Variants in GOLGB1 observed in about 807,000 individuals in gnomAD.
The protein encoded by GOLGB1 is golgin B1, also known as golgin subfamily B member 1.
Under a neutral mutation model 336.9 loss-of-function variants are expected in GOLGB1, and 174 were observed. That is an observed-to-expected ratio of 0.52 (90% CI 0.46 to 0.59). The LOEUF is 0.59. Ranked by LOEUF, GOLGB1 falls within the 20% of genes least tolerant of loss-of-function variation. The pLI is 0.00. For synonymous variants in GOLGB1, 1,208 were observed against 1,289.2 expected, an observed-to-expected ratio of 0.94 and a Z score of 1.35; for missense variants, 3,331 against 3,645.3, an observed-to-expected ratio of 0.91 and a Z score of 2.22.
chr3:121,744,160 A>G (rs976883897), intron 1 of GOLGB1, among the ~76,000 whole-genome samples: 3 of 152,150 alleles, frequency 2.0e-5, no homozygotes, highest in African/African-American at 7.2e-5. Context: ...ACAATTGAGA[A>G]ACATTTAATT....
chr3:121,681,818 T>C lies in GOLGB1; in HGVS notation c.8742A>G (p.Gln2914=). 6.2e-7 allele frequency: 1 copy of C among 1,606,962 alleles called. No individual in the cohort carries two copies. The highest frequency in any genetic ancestry group is 8.5e-7 in the Non-Finnish European group (1 of 1,173,860). Residue 2914 remains glutamine, a synonymous_variant, in exon 15 of 22, where the codon CAA becomes CAG. Coordinates refer to ENST00000614479, the MANE Select transcript of GOLGB1 (RefSeq NM_001366282.2). ...NLQQQYLQIN[Q]EITELHPLKA... is the part of the protein sequence containing the mutation. ...TCAGTGGATGTAACTCAGTGATCTC[T>C]TGATTAATCTGTAAGTATTGCTGCT...
chr3:121,667,500 G>A lies in GOLGB1; in HGVS notation c.9530C>T (p.Ser3177Phe), dbSNP rs1333243581. Residue 3177 changes from serine to phenylalanine, a missense_variant, in exon 20 of 22, where the codon TCT becomes TTT. Transcript: ENST00000614479. ...CCGTCTGATCTGCTCCTCGGCCACAGAGAGAGCATTCTCAGCAGCCACTCT... is the reference window on the plus strand; with the variant it reads ...CCGTCTGATCTGCTCCTCGGCCACAAAGAGAGCATTCTCAGCAGCCACTCT... ...DQRVAAENAL[S>F]VAEEQIRRLE... 3.7e-6 allele frequency: 6 copies of A among 1,614,024 alleles called. No individual in the cohort carries two copies. Among genetic ancestry groups the A allele is most frequent in the Non-Finnish European group, 5.1e-6 (6 of 1,179,912 alleles).
rs577283491 is a variant in GOLGB1, at chr3:121,729,739, A to G, written c.249+126T>C. On this transcript the variant is annotated intron_variant, in intron 3 of 21. Transcript: ENST00000614479. ...CCCAAAAGTTATTTTCAGTAGGCAT[A>G]AGGTTACAGTACTAGGGAGATAATC... 40 of 700,284 alleles carry G rather than the reference A, an allele frequency of 5.7e-5. 1 individual carries two copies. In the South Asian group the frequency reaches 8.6e-4, roughly 15 times the overall value. The allele number at this position is 700,284 out of a possible 1,614,324, so 43.4% of individuals were successfully genotyped here.
intron 7 of GOLGB1, among the ~76,000 whole-genome samples, chr3:121,719,098 T>C (rs1944992027): frequency 6.6e-6 from 1 of 152,220 alleles, no homozygotes; most frequent in Non-Finnish European, 1.5e-5. Flanking sequence ...AGATCAAACA[T>C]AAAGTATCAC....
chr3:121,717,650 C>T (rs1348143489), intron 8 of GOLGB1, among the ~76,000 whole-genome samples: 6 of 152,052 alleles, frequency 3.9e-5, no homozygotes, highest in South Asian at 2.1e-4. Flanking sequence ...TATTGCAGAA[C>T]GAGATCATTT....
At position 121,692,127 on chromosome 3, in the gene GOLGB1, T is replaced by C. The variant is rs559207889; in HGVS notation, c.7237A>G (p.Lys2413Glu). The C allele has an allele frequency of 1.9e-6, 3 of 1,613,610 alleles. No individual in the cohort carries two copies. The South Asian group carries it at 3.3e-5, about 18-fold the overall frequency. ...AIAELRQQHDKEIKELENLLS... is the reference protein window; with the variant it reads ...AIAELRQQHDEEIKELENLLS... ...AGGTTTTCCAGCTCTTTAATTTCTT[T>C]ATCATGTTGCTGACGCAGTTCAGCA... Residue 2413 changes from lysine (K) to glutamate (E), a missense_variant, in exon 14 of 22, where the codon AAA becomes GAA. Physicochemically the swap from Lys to Glu is moderately conservative, Grantham distance 56. Coordinates refer to ENST00000614479, the MANE Select transcript of GOLGB1 (RefSeq NM_001366282.2).
intron 10 of GOLGB1, among the ~76,000 whole-genome samples, chr3:121,707,594 C>G (rs1196239000): frequency 6.7e-6 from 1 of 150,290 alleles, no homozygotes; most frequent in Non-Finnish European, 1.5e-5. Context: ...GATCATGCCA[C>G]TGCACTGTAG....
chr3:121,673,438 T>A (rs1309957416), intron 17 of GOLGB1, among the ~76,000 whole-genome samples: 1 of 152,104 alleles, frequency 6.6e-6, no homozygotes, highest in Non-Finnish European at 1.5e-5. Flanking sequence ...ACATATTAAA[T>A]TTTTTTTCCC....
chr3:121,680,743 C>T (rs563935210), intron 15 of GOLGB1, among the ~76,000 whole-genome samples: 2 of 152,060 alleles, frequency 1.3e-5, no homozygotes, highest in South Asian at 4.2e-4. Context: ...ATTTGCAAAC[C>T]GCAAATCAAA....
Position 121,692,470 on chromosome 3 carries a change from T to C in GOLGB1, c.6894A>G (p.Leu2298=), listed in dbSNP as rs1177540095. The C allele has an allele frequency of 6.8e-6, 11 of 1,613,844 alleles. No individual in the cohort carries two copies. Among genetic ancestry groups the C allele is most frequent in the Non-Finnish European group, 9.3e-6 (11 of 1,179,848 alleles). Residue 2298 remains leucine (L), a synonymous_variant, in exon 14 of 22, where the codon CTA becomes CTG. Transcript: ENST00000614479. ...TGTGGTATAGGTGGCGTGTCTCTTCTAGCTGGGACAAAAGTTCTTTGTTTT... is the reference window on the plus strand; with the variant it reads ...TGTGGTATAGGTGGCGTGTCTCTTCCAGCTGGGACAAAAGTTCTTTGTTTT... ...QGENKELLSQ[L]EETRHLYHSS...
chr3:121,694,446 A>C lies in GOLGB1; in HGVS notation c.6077T>G (p.Val2026Gly), dbSNP rs1365182357. 6.2e-7 allele frequency: 1 copy of C among 1,613,080 alleles called. No individual in the cohort carries two copies. The highest frequency in any genetic ancestry group is 1.7e-5 in the Admixed American group (1 of 59,900). Reference protein sequence around the residue: ...QELLKEKQQEVKQLQKDCIRY... With the variant: ...QELLKEKQQEGKQLQKDCIRY... ...GATGCAGTCCTTCTGTAGCTGCTTT[A>C]CTTCTTGTTGTTTTTCTTTTAACAG... is the stretch of plus-strand genomic sequence containing the variant. Residue 2026 changes from valine to glycine, a missense_variant, in exon 13 of 22, where the codon GTA becomes GGA. Coordinates refer to ENST00000614479, the MANE Select transcript of GOLGB1 (RefSeq NM_001366282.2).
intron 10 of GOLGB1, among the ~76,000 whole-genome samples, chr3:121,713,177 T>C (rs1944488037): frequency 6.6e-6 from 1 of 151,934 alleles, no homozygotes; most frequent in Non-Finnish European, 1.5e-5. Context: ...AAAAAAATAG[T>C]ACAACCACTT....
rs773674387 is a variant in GOLGB1 at position 121,716,752 on chromosome 3, T to C, written c.1273A>G (p.Ile425Val). Reference protein sequence around the residue: ...NEQAVQSAQTIQQLEDQLQQK... With the variant: ...NEQAVQSAQTVQQLEDQLQQK... Reference sequence around the variant, plus strand: ...AGCTACTGACCTTCCAGTTGCTGAATGGTCTGGGCTGACTGAACTGCTTGC... The same window carrying C: ...AGCTACTGACCTTCCAGTTGCTGAACGGTCTGGGCTGACTGAACTGCTTGC... Residue 425 changes from isoleucine to valine, a missense_variant, in exon 9 of 22, where the codon ATT (isoleucine) becomes GTT (valine). Physicochemically the swap from Ile to Val is conservative, Grantham distance 29 (BLOSUM62 3). Transcript: ENST00000614479. 6.2e-6 allele frequency: 10 copies of C among 1,607,384 alleles called. No homozygotes were observed. The highest frequency in any genetic ancestry group is 8.5e-6 in the Non-Finnish European group (10 of 1,176,698).
rs141150529 is a variant in GOLGB1 at position 121,679,044 on chromosome 3, G to T, written c.8874-1594C>A. Among the ~76,000 whole-genome samples the T allele has an allele frequency of 2.7e-3, 418 of 152,166 alleles. 1 individual carries two copies. Among genetic ancestry groups the T allele is most frequent in the African/African-American group, 9.6e-3 (400 of 41,498 alleles). On this transcript the variant is annotated intron_variant, in intron 15 of 21. Transcript: ENST00000614479. ...TATCTTAATTTCTTCTGCCATGATA[G>T]CATTATTATTGTTCTGTTCCTTAAA... is the stretch of plus-strand genomic sequence containing the variant.
chr3:121,691,294 C>T lies in GOLGB1; in HGVS notation c.8070G>A (p.Lys2690=), dbSNP rs1212090337. The T allele has an allele frequency of 6.2e-7, 1 of 1,613,360 alleles. No individual in the cohort carries two copies. Among genetic ancestry groups the T allele is most frequent in the East Asian group, 2.2e-5 (1 of 44,868 alleles). ...TTATCCCTGCATCATGATGAAGATG[C>T]TTTAATTCTTTCTTCAGTTTATCTT... ...EIEDKLKKEL[K]HLHHDAGIMR... The change falls in exon 14 of 22, where the codon AAG becomes AAA. Residue 2690 remains lysine (K), a synonymous_variant. Transcript: ENST00000614479.
chr3:121,680,623 G>A (rs961135262), intron 15 of GOLGB1, among the ~76,000 whole-genome samples: 4 of 152,044 alleles, frequency 2.6e-5, no homozygotes, highest in African/African-American at 9.7e-5. Flanking sequence ...AAATCAAATA[G>A]AAAATACCAA....
chr3:121,730,728 G>T, intron 2 of GOLGB1, 148 bp downstream of exon 2: 1 of 678,008 alleles, frequency 1.5e-6, no homozygotes. Flanking sequence ...ACAAGAGAAG[G>T]ATCACTTATA....
In GOLGB1 at chr3:121,716,982, T is replaced by G; in HGVS notation, c.1043A>C (p.His348Pro). 3 of 1,614,136 alleles carry G rather than the reference T, an allele frequency of 1.9e-6. No individual in the cohort carries two copies. In the East Asian group the frequency reaches 6.7e-5, roughly 36 times the overall value. Residue 348 changes from histidine to proline, a missense_variant, in exon 9 of 22, where the codon CAT becomes CCT. Physicochemically the swap from His to Pro is moderately conservative, Grantham distance 77. Coordinates refer to ENST00000614479, the MANE Select transcript of GOLGB1 (RefSeq NM_001366282.2). ...LSFHNLQEEM[H>P]HLLEQFEQAG... The stretch of plus-strand genomic sequence containing the variant: ...TTGCTCAAACTGTTCTAAAAGATGA[T>G]GCATTTCTTCCTGCAGATTATGGAA...
Position 121,748,328 on chromosome 3 carries a change from CT to C in GOLGB1, c.-3+1303del, listed in dbSNP as rs533067234. Among the ~76,000 whole-genome samples, 65 of 152,238 alleles carry C rather than the reference CT, an allele frequency of 4.3e-4. 1 individual carries two copies. In the South Asian group the frequency reaches 5.4e-3, roughly 13 times the overall value. On this transcript the variant is annotated intron_variant, in intron 1 of 21. Coordinates refer to ENST00000614479, the MANE Select transcript of GOLGB1 (RefSeq NM_001366282.2). Reference sequence around the variant, plus strand: ...ACATATTTACAGTGGTAGTCATACACTATAAATAATTAAACACACAACATTT... The same window carrying C: ...ACATATTTACAGTGGTAGTCATACACATAAATAATTAAACACACAACATTT...
Sources: gnomAD v4.1 joint callset for allele counts (sites outside exome capture counted in the v4.1 genomes callset) on GRCh38, gnomAD v4.1.1 for gene constraint, MANE v1.5 for transcripts, NCBI Gene and HGNC (gene_info 2026-07-23, HGNC 2026-07-21) for gene names.